Variants in KCNIP4 observed in about 807,000 individuals in gnomAD.
The protein encoded by KCNIP4 is Kv channel-interacting protein 4.
Under a neutral mutation model 34.0 loss-of-function variants are expected in KCNIP4, and 12 were observed. The ratio of observed to expected loss-of-function variants is 0.35; its 90% CI spans 0.23 to 0.57. The LOEUF (loss-of-function observed/expected upper bound fraction) is 0.57, where lower values mean the gene tolerates loss of function less well. KCNIP4 is among the 20% of genes least tolerant of loss of function. The pLI is 0.83. For missense variants in KCNIP4, 238 were observed against 311.7 expected, an observed-to-expected ratio of 0.76 and a Z score of 1.78; for synonymous variants, 124 against 102.2, an observed-to-expected ratio of 1.21 and a Z score of -1.29.
At chr4:21,618,231 T>C (rs1577701449) in intron 1 of KCNIP4, among the ~76,000 whole-genome samples, 5 of 152,282 alleles carry the variant, frequency 3.3e-5, no homozygotes, top group Admixed American at 3.3e-4. Flanking sequence ...TTCAGTATAA[T>C]GCTAGCAAAA....
intron 1 of KCNIP4, among the ~76,000 whole-genome samples, chr4:21,002,883 G>T (rs1393871031): frequency 6.6e-6 from 1 of 152,138 alleles, no homozygotes. Context: ...TTTAAATAAA[G>T]AAATTGAAAC....
chr4:21,614,562 T>C (rs906944671), intron 1 of KCNIP4, among the ~76,000 whole-genome samples: 30 of 148,206 alleles, frequency 2.0e-4, no homozygotes, highest in African/African-American at 7.4e-4. Flanking sequence ...TTAAATCAAA[T>C]ATACATTATA....
chr4:21,711,011 A>G (rs1356688959), intron 1 of KCNIP4, among the ~76,000 whole-genome samples: 1 of 152,230 alleles, frequency 6.6e-6, no homozygotes, highest in Non-Finnish European at 1.5e-5. Context: ...ATTAATGTAG[A>G]GGCACGCCTA....
chr4:21,175,899 T>C (rs1159895548), intron 1 of KCNIP4, among the ~76,000 whole-genome samples: 5 of 152,202 alleles, frequency 3.3e-5, no homozygotes, highest in African/African-American at 1.2e-4. Context: ...ATGGTATACC[T>C]CTACCGTCTT....
At chr4:21,200,462 A>T (rs964948016) in intron 1 of KCNIP4, among the ~76,000 whole-genome samples, 2 of 151,462 alleles carry the variant, frequency 1.3e-5, no homozygotes, top group African/African-American at 4.9e-5. Flanking sequence ...ACAGCCATAA[A>T]AAAGAATAAA....
intron 1 of KCNIP4, among the ~76,000 whole-genome samples, chr4:21,803,255 A>G (rs1241918035): frequency 1.3e-5 from 2 of 152,120 alleles, no homozygotes; most frequent in African/African-American, 4.8e-5. Context: ...CTAATCCATT[A>G]TACAGTCTTA....
At chr4:21,609,486 C>CT (rs1016433655) in intron 1 of KCNIP4, among the ~76,000 whole-genome samples, 2 of 152,150 alleles carry the variant, frequency 1.3e-5, no homozygotes, top group Non-Finnish European at 2.9e-5. Flanking sequence ...GCCTGTATGT[C>CT]TATTTTTAAT....
rs187731814 is a variant in KCNIP4, at chr4:21,283,971, T to A, written c.62-401262A>T. On this transcript the variant is annotated intron_variant, in intron 1 of 8. Transcript: ENST00000382152. ...GCTCACACCTGTAATCCCAGTACTT[T>A]GGGAGGCCGAGGTGGGCAGATCACG... Among the ~76,000 whole-genome samples the A allele has an allele frequency of 5.1e-3, 779 of 152,186 alleles. 5 individuals carry two copies. Among genetic ancestry groups the A allele is most frequent in the African/African-American group, 0.017 (720 of 41,530 alleles).
At position 21,172,940 on chromosome 4, in the gene KCNIP4, A is replaced by G. The variant is rs73805039; in HGVS notation, c.62-290231T>C. On this transcript the variant is annotated intron_variant, in intron 1 of 8. Coordinates refer to ENST00000382152, the MANE Select transcript of KCNIP4 (RefSeq NM_025221.6). The stretch of plus-strand genomic sequence containing the variant: ...ACTCAGATGATTCTTGGTCAAGTTC[A>G]GTGCCCAACCTCATCCCCAGGACTG... Among the ~76,000 whole-genome samples the G allele has an allele frequency of 4.9e-3, 746 of 152,318 alleles. 4 individuals are homozygous for G. The highest frequency in any genetic ancestry group is 0.016 in the African/African-American group (647 of 41,566).
chr4:21,330,589 A>G (rs1198249672), intron 1 of KCNIP4, among the ~76,000 whole-genome samples: 1 of 152,190 alleles, frequency 6.6e-6, no homozygotes, highest in African/African-American at 2.4e-5. Flanking sequence ...CAATGAGAAA[A>G]TAATAAATAA....
intron 1 of KCNIP4, among the ~76,000 whole-genome samples, chr4:21,476,730 T>C (rs1731012957): frequency 6.6e-6 from 1 of 152,118 alleles, no homozygotes; most frequent in South Asian, 2.1e-4. Flanking sequence ...CAAATCTGAG[T>C]TGTTAACCAG....
intron 3 of KCNIP4, among the ~76,000 whole-genome samples, chr4:20,807,791 T>G (rs1252512494): frequency 6.6e-6 from 1 of 152,126 alleles, no homozygotes; most frequent in Admixed American, 6.5e-5. Context: ...AACAGACCAT[T>G]ACGTGGGAGA....
intron 3 of KCNIP4, among the ~76,000 whole-genome samples, chr4:20,803,643 G>T: frequency 6.6e-6 from 1 of 150,776 alleles, no homozygotes; most frequent in East Asian, 2.0e-4. Context: ...GGGCAACAGA[G>T]TGGGACCCTA....
At chr4:21,881,460 C>T (rs1726456554) in intron 1 of KCNIP4, among the ~76,000 whole-genome samples, 1 of 152,014 alleles carries the variant, frequency 6.6e-6, no homozygotes. Context: ...GTATTTGAAA[C>T]CTTAATCTCA....
At chr4:20,777,684 G>A (rs1478536584) in intron 3 of KCNIP4, among the ~76,000 whole-genome samples, 1 of 152,154 alleles carries the variant, frequency 6.6e-6, no homozygotes, top group African/African-American at 2.4e-5. Context: ...ATTTGTGACA[G>A]TGGAGGTTGT....
chr4:20,786,546 T>C (rs1302140661), intron 3 of KCNIP4, among the ~76,000 whole-genome samples: 1 of 152,218 alleles, frequency 6.6e-6, no homozygotes, highest in Non-Finnish European at 1.5e-5. Flanking sequence ...GAGCATAGTG[T>C]TGTAGTTAGC....
intron 1 of KCNIP4, among the ~76,000 whole-genome samples, chr4:21,204,152 A>G (rs552633153): frequency 1.3e-5 from 2 of 148,148 alleles, no homozygotes; most frequent in South Asian, 2.2e-4. Flanking sequence ...ATATACTTCT[A>G]TTTTGTATTT....
At chr4:21,303,762 G>C in intron 1 of KCNIP4, 2 of 1,495,142 alleles carry the variant, frequency 1.3e-6, no homozygotes, top group Non-Finnish European at 1.9e-6. Context: ...CATTTTCATT[G>C]CAAAACAGAG....
Position 20,731,481 on chromosome 4 carries a change from G to T in KCNIP4, c.705+525C>A, listed in dbSNP as rs1007289961. ...GCTACTACCTGGAGTTCTCTTCAGA[G>T]AAAATTTTCCACTGTTTATTTTTTG... On this transcript the variant is annotated intron_variant, in intron 8 of 8. Transcript: ENST00000382152. 4 of 985,174 alleles carry T rather than the reference G, an allele frequency of 4.1e-6. No homozygotes were observed. The African/African-American group carries it at 7.0e-5, about 17-fold the overall frequency. The allele number at this position is 985,174 out of a possible 1,614,324, so 61.0% of individuals were successfully genotyped here. A position where few individuals can be genotyped will look rare whatever the true frequency, so the allele number is the denominator to read the frequency against.
Sources: allele counts gnomAD v4.1 joint callset (sites outside exome capture counted in the v4.1 genomes callset), GRCh38; gene constraint gnomAD v4.1.1; transcripts MANE v1.5; gene names NCBI Gene and HGNC (gene_info 2026-07-23, HGNC 2026-07-21).